Variants in CNBD1 observed in about 807,000 individuals in gnomAD.
The protein encoded by CNBD1 is cyclic nucleotide-binding domain-containing protein 1.
In CNBD1, 71 loss-of-function variants were observed where a neutral mutation model predicts 54.4. The observed-to-expected ratio is 1.30, with a 90% CI of 1.08 to 1.59. The LOEUF (loss-of-function observed/expected upper bound fraction) is 1.59, where lower values mean the gene tolerates loss of function less well. Among genes scored for constraint, CNBD1 ranks in the 40% most tolerant of loss-of-function variants. The probability of loss-of-function intolerance (pLI) is 0.00; values close to 1 mark genes in which losing one functional copy is unlikely to be tolerated. For synonymous variants in CNBD1, 182 were observed against 170.7 expected (o/e 1.07, Z -0.51); for missense variants, 659 against 518.0 (o/e 1.27, Z -2.64).
At chr8:87,010,694 G>A (rs1289642834) in intron 4 of CNBD1, among the ~76,000 whole-genome samples, 3 of 152,108 alleles carry the variant, frequency 2.0e-5, no homozygotes, top group African/African-American at 4.8e-5. Context: ...ACAGTGAGCC[G>A]TGATCACGCC....
At chr8:86,965,376 TC>T (rs1808045488) in intron 4 of CNBD1, among the ~76,000 whole-genome samples, 1 of 151,988 alleles carries the variant, frequency 6.6e-6, no homozygotes, top group Non-Finnish European at 1.5e-5. Flanking sequence ...CTCCATCCAG[TC>T]CCAAGTGACT....
At chr8:87,238,825 C>T (rs1209993098) in intron 6 of CNBD1, among the ~76,000 whole-genome samples, 5 of 152,020 alleles carry the variant, frequency 3.3e-5, no homozygotes, top group African/African-American at 1.2e-4. Flanking sequence ...TTAGATCATT[C>T]ATCTTAAATG....
rs541201415 is a variant in CNBD1, at chr8:87,330,163, A to G, written c.1043-21522A>G. Among the ~76,000 whole-genome samples the G allele has an allele frequency of 2.0e-5, 3 of 149,408 alleles. No individual in the cohort carries two copies. In the East Asian group the frequency reaches 5.9e-4, roughly 29 times the overall value. ...TAGTATCCCATTATTTATTTTTTTAATGTTCATAAGATCTGTAGTGATGTC... is the reference window on the plus strand; with the variant it reads ...TAGTATCCCATTATTTATTTTTTTAGTGTTCATAAGATCTGTAGTGATGTC... On this transcript the variant is annotated intron_variant, in intron 8 of 10. Coordinates refer to ENST00000518476, the MANE Select transcript of CNBD1 (RefSeq NM_173538.3).
chr8:87,237,273 G>A (rs1807603663), intron 6 of CNBD1, 161 bp downstream of exon 6: 2 of 436,214 alleles, frequency 4.6e-6, no homozygotes, highest in African/African-American at 2.0e-5. Flanking sequence ...ACTTACATTT[G>A]ATTAAACATT....
At chr8:87,408,172 C>A (rs1217191388) in intron 2 of CNBD1, among the ~76,000 whole-genome samples, 2 of 151,952 alleles carry the variant, frequency 1.3e-5, no homozygotes, top group African/African-American at 4.8e-5. Flanking sequence ...TTGGTAATTA[C>A]CTCCTCAAAC....
intron 4 of CNBD1, among the ~76,000 whole-genome samples, chr8:87,081,516 T>TG (rs1276635088): frequency 1.8e-4 from 27 of 151,566 alleles, no homozygotes; most frequent in Admixed American, 8.5e-4. Context: ...TTTTTGTTTT[T>TG]TTTTTTTTGA....
chr8:87,158,228 T>C (rs1199320909), intron 4 of CNBD1, among the ~76,000 whole-genome samples: 1 of 152,148 alleles, frequency 6.6e-6, no homozygotes, highest in Non-Finnish European at 1.5e-5. Context: ...TGCTAAGTTA[T>C]ATAACATTTC....
At chr8:87,414,593 T>C (rs1390629634) in intron 2 of CNBD1, among the ~76,000 whole-genome samples, 1 of 152,032 alleles carries the variant, frequency 6.6e-6, no homozygotes, top group African/African-American at 2.4e-5. Flanking sequence ...AGGGGTTGGT[T>C]GGCATATGCT....
chr8:87,332,043 T>C (rs533596019), intron 8 of CNBD1, among the ~76,000 whole-genome samples: 1 of 152,296 alleles, frequency 6.6e-6, no homozygotes, highest in African/African-American at 2.4e-5. Flanking sequence ...ATTCTTTTGC[T>C]GTACAGAAGC....
At chr8:86,993,442 T>G (rs570590363) in intron 4 of CNBD1, among the ~76,000 whole-genome samples, 5 of 152,224 alleles carry the variant, frequency 3.3e-5, no homozygotes, top group Admixed American at 2.0e-4. Context: ...TGATTCTGAA[T>G]TCTATTTTTG....
chr8:87,367,813 T>C (rs547612637), intron 10 of CNBD1, among the ~76,000 whole-genome samples: 1 of 152,172 alleles, frequency 6.6e-6, no homozygotes, highest in African/African-American at 2.4e-5. Flanking sequence ...TGAATTGGGT[T>C]TGTTACTCAT....
intron 5 of CNBD1, among the ~76,000 whole-genome samples, chr8:87,229,506 T>G (rs900087838): frequency 6.6e-6 from 1 of 152,142 alleles, no homozygotes; most frequent in Non-Finnish European, 1.5e-5. Flanking sequence ...ACACCTTAAT[T>G]AGATAGTAAT....
chr8:86,931,571 G>C (rs1809458977), intron 3 of CNBD1, among the ~76,000 whole-genome samples: 1 of 152,214 alleles, frequency 6.6e-6, no homozygotes, highest in East Asian at 1.9e-4. Context: ...AACCACAAAG[G>C]TTTGTTTGTC....
chr8:87,003,236 A>G (rs1417695542), intron 4 of CNBD1, among the ~76,000 whole-genome samples: 1 of 152,240 alleles, frequency 6.6e-6, no homozygotes, highest in Admixed American at 6.5e-5. Flanking sequence ...TCCATGTTGT[A>G]TGGTTCTTGG....
intron 5 of CNBD1, among the ~76,000 whole-genome samples, chr8:87,227,947 T>A (rs1250785058): frequency 6.7e-6 from 1 of 149,962 alleles, no homozygotes; most frequent in African/African-American, 2.5e-5. Flanking sequence ...TTTCTTTTTA[T>A]TCTTTTTTCT....
At chr8:87,249,258 G>A (rs933018078) in intron 6 of CNBD1, among the ~76,000 whole-genome samples, 5 of 152,122 alleles carry the variant, frequency 3.3e-5, no homozygotes, top group African/African-American at 1.2e-4. Context: ...GCTCCTATAA[G>A]AATCTAGTGA....
At chr8:87,233,398 C>T (rs528587180) in intron 5 of CNBD1, among the ~76,000 whole-genome samples, 2 of 152,226 alleles carry the variant, frequency 1.3e-5, no homozygotes, top group South Asian at 2.1e-4. Flanking sequence ...TTTGGTTTCC[C>T]AGTGCATATA....
chr8:87,229,529 A>G (rs1814617329), intron 5 of CNBD1, among the ~76,000 whole-genome samples: 2 of 152,126 alleles, frequency 1.3e-5, no homozygotes, highest in South Asian at 4.1e-4. Context: ...TTTTTAGACA[A>G]TTTTATAGTA....
At chr8:86,947,216 G>A (rs1409242884) in intron 4 of CNBD1, among the ~76,000 whole-genome samples, 2 of 152,074 alleles carry the variant, frequency 1.3e-5, no homozygotes, top group Non-Finnish European at 2.9e-5. Flanking sequence ...TGAACATTTA[G>A]TCTAAGAAAA....
Sources: gnomAD v4.1 joint callset for allele counts (sites outside exome capture counted in the v4.1 genomes callset) on GRCh38, gnomAD v4.1.1 for gene constraint, MANE v1.5 for transcripts, NCBI Gene and HGNC (gene_info 2026-07-23, HGNC 2026-07-21) for gene names.